SAMD8: variants seen among roughly 807,000 people sequenced by gnomAD.
SAMD8 encodes the protein sphingomyelin synthase-related protein 1.
SAMD8 carries 20 observed loss-of-function variants against 42.0 expected under a neutral mutation model. That is an observed-to-expected ratio of 0.48 (90% CI 0.34 to 0.69). The LOEUF is 0.69. SAMD8 is among the 30% of genes least tolerant of loss of function. The pLI, the probability that SAMD8 is intolerant of heterozygous loss-of-function variation, is 0.01. For synonymous variants in SAMD8, 162 were observed against 173.0 expected (o/e 0.94, Z 0.50); for missense variants, 328 against 511.6 (o/e 0.64, Z 3.46).
At chr10:75,171,129 T>C (rs1167872690) in intron 4 of SAMD8, among the ~76,000 whole-genome samples, 1 of 150,478 alleles carries the variant, frequency 6.6e-6, no homozygotes, top group Non-Finnish European at 1.5e-5. Flanking sequence ...TTCTTTAACC[T>C]AGTTTTCCTT....
chr10:75,119,376 C>T (rs546133813), intron 1 of SAMD8, among the ~76,000 whole-genome samples: 66 of 152,148 alleles, frequency 4.3e-4, no homozygotes, highest in Admixed American at 2.3e-3. Flanking sequence ...AGGCTGGTCT[C>T]GAACTCCTGA....
At chr10:75,133,604 A>G (rs752478789) in intron 1 of SAMD8, among the ~76,000 whole-genome samples, 1 of 152,218 alleles carries the variant, frequency 6.6e-6, no homozygotes, top group African/African-American at 2.4e-5. Flanking sequence ...GTCTGTGTGC[A>G]TGCACCATAT....
At chr10:75,153,754 A>G (rs2134490948) in intron 2 of SAMD8, among the ~76,000 whole-genome samples, 1 of 145,962 alleles carries the variant, frequency 6.9e-6, no homozygotes, top group East Asian at 2.1e-4. Context: ...AACTAAAACT[A>G]TAGTAAAGAG....
intron 1 of SAMD8, among the ~76,000 whole-genome samples, chr10:75,130,031 T>A (rs10762659): frequency 6.6e-6 from 1 of 151,816 alleles, no homozygotes; most frequent in East Asian, 1.9e-4. Context: ...AGGGGAGATA[T>A]TATGGTTAAT....
intron 1 of SAMD8, chr10:75,105,636 C>T: frequency 6.5e-7 from 1 of 1,543,382 alleles, no homozygotes; most frequent in East Asian, 2.5e-5. Flanking sequence ...CCAACCACAT[C>T]CAGCTTTGCC....
chr10:75,179,751 C>A lies in SAMD8; in HGVS notation c.*3059C>A, dbSNP rs1293886526. On this transcript the variant is annotated 3_prime_UTR_variant, in exon 6 of 6. Transcript: ENST00000542569. ...CTTCATTTTTTTTCCTGGTTAAAAT[C>A]TAAACCATAGTGAAGATAGTATTTA... 1 of 152,090 alleles carries A rather than the reference C, an allele frequency of 6.6e-6. No homozygotes were observed. Among genetic ancestry groups the A allele is most frequent in the Non-Finnish European group, 1.5e-5 (1 of 68,012 alleles). 9.4% of individuals were successfully genotyped at this position (152,090 alleles called of 1,614,324 possible).
chr10:75,140,429 C>T (rs10509355), intron 1 of SAMD8, among the ~76,000 whole-genome samples: 28,767 of 152,162 alleles, frequency 0.19, 2,986 homozygotes, highest in East Asian at 0.26. Context: ...TAAAATGACT[C>T]CTAATGACCT....
At chr10:75,174,018 C>T (rs1015924891) in intron 4 of SAMD8, among the ~76,000 whole-genome samples, 2 of 152,176 alleles carry the variant, frequency 1.3e-5, no homozygotes, top group Non-Finnish European at 2.9e-5. Flanking sequence ...AGTAAATGTA[C>T]ATAAAATTTT....
intron 1 of SAMD8, among the ~76,000 whole-genome samples, chr10:75,149,524 GA>G (rs1195157868): frequency 6.6e-6 from 1 of 152,132 alleles, no homozygotes; most frequent in Non-Finnish European, 1.5e-5. Flanking sequence ...AGTTATTATT[GA>G]GATTCAAATA....
chr10:75,121,685 T>C (rs1849008649), intron 1 of SAMD8, among the ~76,000 whole-genome samples: 2 of 152,224 alleles, frequency 1.3e-5, no homozygotes, highest in Non-Finnish European at 2.9e-5. Flanking sequence ...TAATTGACCT[T>C]CTTAATTTTT....
Position 75,151,091 on chromosome 10 carries a change from A to T in SAMD8, c.563A>T (p.Asp188Val). ...ATGCAGACCTATCCACCACTCCCAG[A>T]TATATTCTTAGACAGGTAAGTTTTG... ...PDMQTYPPLP[D>V]IFLDSVPRIP... The change falls in exon 2 of 6, where the codon GAT becomes GTT. Residue 188 changes from aspartate to valine, a missense_variant. Asp to Val is a radical substitution (Grantham distance 152). This residue lies in a region of SAMD8 where 178 missense variants were observed against 325.6 expected (regional missense o/e 0.55). Coordinates refer to ENST00000542569, the MANE Select transcript of SAMD8 (RefSeq NM_001174156.2). 6.6e-7 allele frequency: 1 copy of T among 1,512,628 alleles called. No individual in the cohort carries two copies. The highest frequency in any genetic ancestry group is 8.8e-7 in the Non-Finnish European group (1 of 1,131,268). The allele number at this position is 1,512,628 out of a possible 1,614,324, so 93.7% of individuals were successfully genotyped here.
At chr10:75,123,332 G>A (rs184795784) in intron 1 of SAMD8, among the ~76,000 whole-genome samples, 61 of 152,262 alleles carry the variant, frequency 4.0e-4, no homozygotes, top group African/African-American at 1.4e-3. Context: ...TAGTACCTCG[G>A]CAAGGAGCAG....
Position 75,176,192 on chromosome 10 carries a change from A to C in SAMD8, c.919A>C (p.Met307Leu), listed in dbSNP as rs1272397314. ...MFSGHTVVLT[M>L]LNFFVTEYTP... is the part of the protein sequence containing the mutation. Reference sequence around the variant, plus strand: ...TAGTGGCCACACAGTCGTCCTAACTATGCTGAATTTCTTTGTCACCGAATG... The same window carrying C: ...TAGTGGCCACACAGTCGTCCTAACTCTGCTGAATTTCTTTGTCACCGAATG... The change falls in exon 5 of 6, where the codon ATG becomes CTG. Residue 307 changes from methionine to leucine, a missense_variant. Transcript: ENST00000542569. This position sits in a 1 kb window ranked among gnomAD's most constrained non-coding sequence, Gnocchi z 4.3. The C allele has an allele frequency of 1.2e-6, 2 of 1,614,068 alleles. No homozygotes were observed. The highest frequency in any genetic ancestry group is 3.3e-5 in the Admixed American group (2 of 59,996).
At chr10:75,164,987 C>T (rs1013900316) in intron 3 of SAMD8, among the ~76,000 whole-genome samples, 1 of 152,186 alleles carries the variant, frequency 6.6e-6, no homozygotes, top group African/African-American at 2.4e-5. Context: ...TGATCGTGCT[C>T]ATCTCTGATC....
intron 1 of SAMD8, among the ~76,000 whole-genome samples, chr10:75,144,133 C>CT (rs1195736981): frequency 6.6e-6 from 1 of 151,718 alleles, no homozygotes; most frequent in Non-Finnish European, 1.5e-5. Flanking sequence ...ATGCCAGGCT[C>CT]TTTTTTTCTA....
intron 1 of SAMD8, among the ~76,000 whole-genome samples, chr10:75,100,448 C>G (rs1213997824): frequency 6.6e-6 from 1 of 152,212 alleles, no homozygotes; most frequent in Non-Finnish European, 1.5e-5. Context: ...CTTTAAGCCC[C>G]AGTCCCTCCC....
intron 4 of SAMD8, among the ~76,000 whole-genome samples, chr10:75,172,195 T>C (rs1840883720): frequency 6.6e-6 from 1 of 152,180 alleles, no homozygotes. Flanking sequence ...TTTTTTTATA[T>C]TTTACATGTT....
chr10:75,141,286 G>A (rs1036452624), intron 1 of SAMD8, among the ~76,000 whole-genome samples: 2 of 151,782 alleles, frequency 1.3e-5, no homozygotes, highest in African/African-American at 4.8e-5. Context: ...CCTGGGAGGT[G>A]GAGGTTGCAG....
chr10:75,103,983 G>A (rs1848338826), intron 1 of SAMD8: 1 of 1,347,442 alleles, frequency 7.4e-7, no homozygotes, highest in Non-Finnish European at 9.9e-7. Context: ...ACCCCACGCT[G>A]GGCTTCCACC....
Sources: gnomAD v4.1 joint callset for allele counts (sites outside exome capture counted in the v4.1 genomes callset) on GRCh38, gnomAD v4.1.1 for gene constraint, gnomAD v4.1.1 regional missense constraint, Gnocchi (gnomAD v3.1) non-coding constraint, MANE v1.5 for transcripts, NCBI Gene and HGNC (gene_info 2026-07-23, HGNC 2026-07-21) for gene names.